LRRIQ1: variants seen among roughly 807,000 people sequenced by gnomAD.
The protein encoded by LRRIQ1 is leucine-rich repeat- and IQ domain-containing protein 1.
A neutral mutation model predicts 211.9 loss-of-function variants in LRRIQ1; 210 were observed. The observed-to-expected ratio is 0.99, with a 90% CI of 0.89 to 1.11. The LOEUF is 1.11. LRRIQ1 is among the 50% of genes most tolerant of loss of function. LRRIQ1 has a pLI of 0.00. For synonymous variants in LRRIQ1, 699 were observed against 650.1 expected (o/e 1.08, Z -1.14); for missense variants, 2,136 against 1,939.5 (o/e 1.10, Z -1.90).
chr12:85,059,719 C>T (rs554751716), intron 8 of LRRIQ1, among the ~76,000 whole-genome samples: 6 of 151,824 alleles, frequency 4.0e-5, no homozygotes, highest in Middle Eastern at 3.4e-3. Context: ...ATAAAGAATT[C>T]CAGTCGAAAT....
At chr12:85,095,982 G>A (rs1252624320) in intron 11 of LRRIQ1, among the ~76,000 whole-genome samples, 6 of 152,020 alleles carry the variant, frequency 3.9e-5, no homozygotes, top group African/African-American at 1.2e-4. Flanking sequence ...AGGATATTTT[G>A]TATTTCTGTG....
chr12:85,260,962 CT>C lies in LRRIQ1; in HGVS notation c.122-1950del, dbSNP rs529627160. Among the ~76,000 whole-genome samples the C allele has an allele frequency of 1.2e-3, 178 of 152,264 alleles. 1 individual carries two copies. Among genetic ancestry groups the C allele is most frequent in the African/African-American group, 4.0e-3 (166 of 41,556 alleles). The stretch of plus-strand genomic sequence containing the variant: ...TCTGTTGCTTGAAAGAGTTCTTGCC[CT>C]TTCTTGAAGGACTACTGACTGATTC... On this transcript the variant is annotated intron_variant, in intron 1 of 1. Coordinates refer to the LRRIQ1 transcript ENST00000602731.
At chr12:85,095,141 C>G (rs1885760592) in intron 11 of LRRIQ1, among the ~76,000 whole-genome samples, 1 of 152,108 alleles carries the variant, frequency 6.6e-6, no homozygotes, top group African/African-American at 2.4e-5. Flanking sequence ...CTAGAACTTC[C>G]AGTACTGTGT....
At chr12:85,263,829 G>A (rs187630479) in exon 2 of LRRIQ1, 1 of 151,834 alleles carries the variant, frequency 6.6e-6, no homozygotes, top group Non-Finnish European at 1.5e-5. Flanking sequence ...TTACCATTTT[G>A]TAATATTAAC....
At chr12:85,185,297 A>G (rs1227883134) in intron 24 of LRRIQ1, among the ~76,000 whole-genome samples, 1 of 151,910 alleles carries the variant, frequency 6.6e-6, no homozygotes, top group Non-Finnish European at 1.5e-5. Context: ...ATGGAATTAT[A>G]TCATGGAAAT....
chr12:85,118,502 T>TG (rs1366782895), intron 15 of LRRIQ1, among the ~76,000 whole-genome samples: 371 of 150,704 alleles, frequency 2.5e-3, no homozygotes, highest in African/African-American at 8.5e-3. Flanking sequence ...AAACTATGTT[T>TG]TTTTTTTTTT....
chr12:85,054,145 C>G (rs1214925390), intron 7 of LRRIQ1, among the ~76,000 whole-genome samples: 19 of 152,090 alleles, frequency 1.2e-4, no homozygotes. Flanking sequence ...TACTGGTTTT[C>G]TACTAGGTCA....
intron 26 of LRRIQ1, among the ~76,000 whole-genome samples, chr12:85,239,492 C>A (rs1396315558): frequency 6.6e-6 from 1 of 151,758 alleles, no homozygotes; most frequent in African/African-American, 2.4e-5. Context: ...AAAATACCCA[C>A]ACTTGTAAGG....
In LRRIQ1 at chr12:85,126,249, A is replaced by C. The variant is rs1009880592; in HGVS notation, c.4008-1583A>C. On this transcript the variant is annotated intron_variant, in intron 17 of 26. Transcript: ENST00000393217. ...TTGTTTTCCCTGGGGAATTTTGATG[A>C]TATTAGGCTGAGGAATTCATGCAAT... Among the ~76,000 whole-genome samples the C allele has an allele frequency of 9.9e-5, 15 of 152,238 alleles. No individual in the cohort carries two copies. In the East Asian group the frequency reaches 2.9e-3, roughly 29 times the overall value.
chr12:85,078,186 A>G (rs763034739), intron 11 of LRRIQ1, among the ~76,000 whole-genome samples: 27 of 152,264 alleles, frequency 1.8e-4, no homozygotes, highest in Non-Finnish European at 3.2e-4. Context: ...CCCTCTCTGA[A>G]GCCTTATTTG....
intron 18 of LRRIQ1, among the ~76,000 whole-genome samples, chr12:85,132,477 A>C (rs1406975635): frequency 6.6e-6 from 1 of 152,084 alleles, no homozygotes; most frequent in Non-Finnish European, 1.5e-5. Flanking sequence ...CCCAGATATG[A>C]AAATCTAAGG....
chr12:85,189,531 A>T (rs1565892131), intron 24 of LRRIQ1, among the ~76,000 whole-genome samples: 1 of 152,000 alleles, frequency 6.6e-6, no homozygotes. Flanking sequence ...AAATAACAAA[A>T]TTACATCGAT....
chr12:85,124,339 CA>C lies in LRRIQ1; in HGVS notation c.3828del (p.Leu1277Ter), dbSNP rs764279283. The C allele has an allele frequency of 2.5e-6, 4 of 1,614,078 alleles. No homozygotes were observed. The South Asian group carries it at 4.4e-5, about 18-fold the overall frequency. On this transcript the variant is annotated frameshift_variant, in exon 17 of 27. Coordinates refer to ENST00000393217, the MANE Select transcript of LRRIQ1 (RefSeq NM_001079910.2). LOFTEE classifies it high-confidence loss of function. ...ATGGACTCTGTCTCCAGCCACTCCC[CA>C]TTAAGCAAATCCGCCACATGTGAAA... The part of the protein sequence containing the change: ...KWMDSVSSHS[P>X]LSKSATCENM...
At chr12:85,085,365 A>C (rs1240753963) in intron 11 of LRRIQ1, among the ~76,000 whole-genome samples, 2 of 152,198 alleles carry the variant, frequency 1.3e-5, no homozygotes, top group Non-Finnish European at 1.5e-5. Flanking sequence ...TCACAAGAAC[A>C]GCATAGGGGG....
At chr12:85,216,973 A>T (rs760204060) in intron 24 of LRRIQ1, among the ~76,000 whole-genome samples, 3 of 152,070 alleles carry the variant, frequency 2.0e-5, no homozygotes, top group Non-Finnish European at 4.4e-5. Context: ...GAAAACAACA[A>T]CTTTAGAACC....
chr12:85,119,118 A>T (rs2136407151), intron 15 of LRRIQ1, among the ~76,000 whole-genome samples: 1 of 152,290 alleles, frequency 6.6e-6, no homozygotes, highest in East Asian at 1.9e-4. Flanking sequence ...CTATTGTAGT[A>T]TGATAAACTA....
chr12:85,243,313 TTTATTA>T (rs10682844), intron 26 of LRRIQ1, among the ~76,000 whole-genome samples: 2,403 of 140,694 alleles, frequency 0.017, 26 homozygotes, highest in East Asian at 0.031. Context: ...ATGTATAACT[TTTATTA>T]TTATTATTAT....
intron 1 of LRRIQ1, among the ~76,000 whole-genome samples, chr12:85,253,005 T>A (rs1467071366): frequency 6.6e-6 from 1 of 151,994 alleles, no homozygotes; most frequent in African/African-American, 2.4e-5. Context: ...AAAGTAGAGC[T>A]TAAGTTTATT....
At chr12:85,099,820 A>G (rs916736076) in intron 13 of LRRIQ1, among the ~76,000 whole-genome samples, 2 of 151,778 alleles carry the variant, frequency 1.3e-5, no homozygotes, top group African/African-American at 4.8e-5. Context: ...TCTCTTCCAC[A>G]ACAGTGTTCA....
Sources: allele counts gnomAD v4.1 joint callset (sites outside exome capture counted in the v4.1 genomes callset), GRCh38; gene constraint gnomAD v4.1.1; transcripts MANE v1.5; gene names NCBI Gene and HGNC (gene_info 2026-07-23, HGNC 2026-07-21).